Variants in INTS8 observed in about 807,000 individuals in gnomAD.
INTS8 encodes protein kaonashi-1.
A neutral mutation model predicts 138.9 loss-of-function variants in INTS8; 47 were observed. That is an observed-to-expected ratio of 0.34 (90% CI 0.27 to 0.43). The LOEUF (loss-of-function observed/expected upper bound fraction) is 0.43. Among genes scored for constraint, INTS8 ranks in the 20% least tolerant of loss-of-function variants. The pLI, the probability that INTS8 is intolerant of heterozygous loss-of-function variation, is 1.00. For missense variants in INTS8, 996 were observed against 1,173.0 expected (o/e 0.85, Z 2.20); for synonymous variants, 392 against 400.9 (o/e 0.98, Z 0.27).
chr8:94,832,016 A>C lies in INTS8; in HGVS notation c.595A>C (p.Ile199Leu), dbSNP rs377738957. Residue 199 changes from isoleucine to leucine, a missense_variant, in exon 6 of 27, where the codon ATT becomes CTT. By Grantham distance (5) the Ile-to-Leu change is conservative (BLOSUM62 2). Transcript: ENST00000523731. ...GCTCAAAGAACAAGCTGCTGATTCT[A>C]TTTTGGTACTAGAAGCAGCCCTAAA... ...KVLKEQAADS[I>L]LVLEAALKLN... 31 of 1,604,234 alleles carry C rather than the reference A, an allele frequency of 1.9e-5. No individual in the cohort carries two copies. In the South Asian group the frequency reaches 3.5e-4, roughly 18 times the overall value.
intron 25 of INTS8, 25 bp from the exon 26 acceptor site, chr8:94,876,421 T>A (rs370855818): frequency 2.2e-5 from 32 of 1,475,122 alleles, no homozygotes; most frequent in Non-Finnish European, 3.0e-5. Flanking sequence ...ACTATCAGAT[T>A]TATTTTCCTT....
chr8:94,833,810 T>C (rs1280078088), intron 6 of INTS8, among the ~76,000 whole-genome samples: 1 of 152,196 alleles, frequency 6.6e-6, no homozygotes, highest in Non-Finnish European at 1.5e-5. Context: ...TCACTCTTGT[T>C]GCCCAGACTA....
chr8:94,830,009 C>T (rs563277176), intron 5 of INTS8, among the ~76,000 whole-genome samples: 58 of 152,304 alleles, frequency 3.8e-4, no homozygotes, highest in Non-Finnish European at 6.5e-4. Flanking sequence ...AATTTTCCTG[C>T]CTCAGCCTCC....
intron 16 of INTS8, among the ~76,000 whole-genome samples, chr8:94,861,268 T>TTTTTTTC: frequency 2.5e-5 from 2 of 78,520 alleles, no homozygotes; most frequent in Non-Finnish European, 5.1e-5. Context: ...TTTTTTTTTT[T>TTTTTTTC]TTTTTTTTTT....
chr8:94,847,432 T>C (rs555318346), intron 10 of INTS8, among the ~76,000 whole-genome samples: 39 of 152,286 alleles, frequency 2.6e-4, no homozygotes, highest in African/African-American at 9.1e-4. Context: ...ATCTGTCTTT[T>C]TTATTGTCTG....
At chr8:94,867,002 A>T (rs1816201794) in intron 18 of INTS8, 138 bp from the exon 19 acceptor site, 1 of 626,670 alleles carries the variant, frequency 1.6e-6, no homozygotes, top group Admixed American at 3.6e-5. Flanking sequence ...TAGTGTGCTA[A>T]AGCACATGCT....
intron 20 of INTS8, among the ~76,000 whole-genome samples, chr8:94,870,914 A>G (rs987374073): frequency 6.6e-6 from 1 of 151,672 alleles, no homozygotes; most frequent in Non-Finnish European, 1.5e-5. Context: ...TCACAGTTCA[A>G]TCTTCTGACT....
chr8:94,850,740 G>A (rs943241762), intron 12 of INTS8, among the ~76,000 whole-genome samples: 1 of 152,166 alleles, frequency 6.6e-6, no homozygotes, highest in Non-Finnish European at 1.5e-5. Context: ...CCAAAAAGAG[G>A]ACAGATTTTC....
At chr8:94,857,711 C>T (rs1053637439) in intron 15 of INTS8, among the ~76,000 whole-genome samples, 1 of 152,178 alleles carries the variant, frequency 6.6e-6, no homozygotes, top group African/African-American at 2.4e-5. Flanking sequence ...GGCCTTCCCC[C>T]TGTGTATGTC....
intron 20 of INTS8, 73 bp downstream of exon 20, chr8:94,867,410 C>G (rs921909031): frequency 1.2e-5 from 13 of 1,083,508 alleles, no homozygotes; most frequent in African/African-American, 3.2e-5. Context: ...AGTATAGATA[C>G]CCTTAGATAA....
At chr8:94,829,142 A>T in intron 5 of INTS8, 116 bp downstream of exon 5, 19 of 705,928 alleles carry the variant, frequency 2.7e-5, no homozygotes, top group Non-Finnish European at 4.0e-5. Context: ...AGGAAACTGG[A>T]TGTGGTGTGG....
intron 14 of INTS8, among the ~76,000 whole-genome samples, chr8:94,856,085 C>T (rs1815735543): frequency 6.6e-6 from 1 of 152,070 alleles, no homozygotes; most frequent in African/African-American, 2.4e-5. Flanking sequence ...GTGTGAGGAC[C>T]ACACAAATGT....
chr8:94,829,162 G>C, intron 5 of INTS8, 136 bp downstream of exon 5: 1 of 666,982 alleles, frequency 1.5e-6, no homozygotes, highest in South Asian at 1.7e-5. Flanking sequence ...GGGGGCGGGG[G>C]GCGAGGATGA....
intron 22 of INTS8, 31 bp downstream of exon 22, chr8:94,873,508 T>C: frequency 1.4e-6 from 2 of 1,398,058 alleles, no homozygotes; most frequent in Non-Finnish European, 2.0e-6. Context: ...GGCTGGTTTC[T>C]TGCCTACCTG....
intron 10 of INTS8, among the ~76,000 whole-genome samples, chr8:94,845,804 A>C (rs1815313387): frequency 6.6e-6 from 1 of 152,200 alleles, no homozygotes; most frequent in Non-Finnish European, 1.5e-5. Context: ...CAGATTGTCA[A>C]GTTCCACAAA....
chr8:94,871,209 T>C (rs1816382844), intron 20 of INTS8, among the ~76,000 whole-genome samples: 1 of 151,846 alleles, frequency 6.6e-6, no homozygotes, highest in African/African-American at 2.4e-5. Context: ...GGCTCAGGAC[T>C]GTAATCCCCA....
chr8:94,870,316 A>G (rs558114447), intron 20 of INTS8, among the ~76,000 whole-genome samples: 24 of 152,140 alleles, frequency 1.6e-4, no homozygotes, highest in South Asian at 8.3e-4. Flanking sequence ...CTCCCAAAGT[A>G]CTGGTATTAC....
At position 94,849,502 on chromosome 8, in the gene INTS8, CTT is replaced by C; in HGVS notation, c.1303_1304del (p.Leu435GlufsTer28). 1.3e-6 allele frequency: 2 copies of C among 1,568,202 alleles called. No individual in the cohort carries two copies. Among genetic ancestry groups the C allele is most frequent in the Non-Finnish European group, 1.7e-6 (2 of 1,152,420 alleles). The stretch of plus-strand genomic sequence containing the variant: ...GTAAATTTAGAAAAAGCTTCAGAGT[CTT>C]TGAAAGGAAACATGGCTGCTTTTCT... On this transcript the variant is annotated frameshift_variant, in exon 11 of 27. Coordinates refer to ENST00000523731, the MANE Select transcript of INTS8 (RefSeq NM_017864.4). LOFTEE classifies it high-confidence loss of function.
rs146554643 is a variant in INTS8 at position 94,853,830 on chromosome 8, G to C, written c.1667G>C (p.Gly556Ala). ...TGGGAAGTACCTTCTGTCTATAGTG[G>C]TGTTATCCTGGGAATTAAAGACAAT... The part of the protein sequence containing the change: ...NKWEVPSVYS[G>A]VILGIKDNLT... Residue 556 changes from glycine to alanine, a missense_variant, in exon 14 of 27, where the codon GGT becomes GCT. Gly to Ala is a moderately conservative substitution (Grantham distance 60). Coordinates refer to ENST00000523731, the MANE Select transcript of INTS8 (RefSeq NM_017864.4). The C allele has an allele frequency of 4.0e-5, 65 of 1,609,202 alleles. 1 individual carries two copies. The Middle Eastern group carries it at 4.9e-4, about 12-fold the overall frequency.
Sources: allele counts gnomAD v4.1 joint callset (sites outside exome capture counted in the v4.1 genomes callset), GRCh38; gene constraint gnomAD v4.1.1; transcripts MANE v1.5; gene names NCBI Gene and HGNC (gene_info 2026-07-23, HGNC 2026-07-21).